The following ZNF717 variants were observed in gnomAD, a reference collection of about 807,000 sequenced individuals.
ZNF717 encodes zinc finger protein 717, also known as krueppel-like factor X17.
ZNF717 carries 9 observed loss-of-function variants against 13.8 expected under a neutral mutation model. The observed-to-expected ratio is 0.65, with a 90% CI of 0.39 to 1.14. ZNF717 has a LOEUF of 1.14. Among genes scored for constraint, ZNF717 ranks in the 50% most tolerant of loss-of-function variants. The pLI, the probability that ZNF717 is intolerant of heterozygous loss-of-function variation, is 0.01. For missense variants in ZNF717, 1,040 were observed against 1,080.7 expected, an observed-to-expected ratio of 0.96 and a Z score of 0.53; for synonymous variants, 327 against 364.1, an observed-to-expected ratio of 0.90 and a Z score of 1.16.
intron 6 of ZNF717, among the ~76,000 whole-genome samples, chr3:75,701,863 C>G (rs796335853): frequency 6.6e-6 from 1 of 152,408 alleles, no homozygotes; most frequent in Non-Finnish European, 1.5e-5. Context: ...ATGCAAATGT[C>G]AAACAGGCAA....
chr3:75,752,911 G>A (rs1452042241), intron 2 of ZNF717, among the ~76,000 whole-genome samples: 5 of 143,788 alleles, frequency 3.5e-5, no homozygotes, highest in Admixed American at 7.0e-5. Context: ...GATCTCTCCT[G>A]CTGTGGTCTG....
chr3:75,782,908 A>G (rs1166892647), intron 2 of ZNF717, among the ~76,000 whole-genome samples: 1 of 152,232 alleles, frequency 6.6e-6, no homozygotes, highest in African/African-American at 2.4e-5. Context: ...TCCACTGCAC[A>G]ACACTACAAG....
intron 2 of ZNF717, among the ~76,000 whole-genome samples, chr3:75,775,504 T>C (rs937769244): frequency 2.0e-5 from 3 of 152,200 alleles, no homozygotes; most frequent in Non-Finnish European, 2.9e-5. Flanking sequence ...TTGAATATCA[T>C]GGGTAAATAT....
chr3:75,773,984 G>C (rs1355193134), intron 2 of ZNF717, among the ~76,000 whole-genome samples: 1 of 152,040 alleles, frequency 6.6e-6, no homozygotes, highest in African/African-American at 2.4e-5. Context: ...AGGAGGCAGG[G>C]GGTTGCAGTG....
chr3:75,727,433 T>C (rs1208115916), downstream of ZNF717, among the ~76,000 whole-genome samples: 3 of 152,118 alleles, frequency 2.0e-5, no homozygotes, highest in African/African-American at 2.4e-5. Context: ...GATGGACGTG[T>C]GAGTAAGAGA....
Position 75,739,235 on chromosome 3 carries a change from A to C in ZNF717, c.388T>G (p.Leu130Val). The change falls in exon 5 of 5, where the codon TTA becomes GTA. Residue 130 changes from leucine (L) to valine (V), a missense_variant. Physicochemically the swap from Leu to Val is conservative, Grantham distance 32. Around this residue, in one of 3 missense-constraint regions of ZNF717, gnomAD observed 123 missense variants for 177.8 expected, o/e 0.69. Transcript: ENST00000652011. Reference protein sequence around the residue: ...SNTSTQERVELGKTFNLNSNH... With the variant: ...SNTSTQERVEVGKTFNLNSNH... The stretch of plus-strand genomic sequence containing the variant: ...GAGTTCAAATTAAATGTTTTTCCTA[A>C]TTCAACTCTCTCCTGAGTTGATGTG... The C allele has an allele frequency of 6.5e-7, 1 of 1,530,946 alleles. No homozygotes were observed. Among genetic ancestry groups the C allele is most frequent in the South Asian group, 1.2e-5 (1 of 82,454 alleles). 94.8% of individuals were successfully genotyped at this position (1,530,946 alleles called of 1,614,324 possible). A position where few individuals can be genotyped will look rare whatever the true frequency, so the allele number is the denominator to read the frequency against.
At chr3:75,713,093 C>T (rs1181716266) in intron 5 of ZNF717, among the ~76,000 whole-genome samples, 2 of 151,978 alleles carry the variant, frequency 1.3e-5, no homozygotes, top group African/African-American at 4.8e-5. Context: ...GCCTGGGTAA[C>T]AGAGTGGGAT....
At chr3:75,726,906 A>G (rs1382183272), downstream of ZNF717, among the ~76,000 whole-genome samples, 2 of 152,156 alleles carry the variant, frequency 1.3e-5, no homozygotes, top group Admixed American at 1.3e-4. Context: ...TTATCCTTCC[A>G]TATGCAGTCA....
rs1942812693 is a variant in ZNF717 at position 75,759,743 on chromosome 3, A to AT, written c.58-18008dup. 1.3e-5 allele frequency among the ~76,000 whole-genome samples: 2 copies of AT among 151,018 alleles called. 1 individual carries two copies. The highest frequency in any genetic ancestry group is 4.2e-4 in the South Asian group (2 of 4,790). On this transcript the variant is annotated intron_variant, in intron 2 of 4. Coordinates refer to ENST00000652011, the MANE Select transcript of ZNF717 (RefSeq NM_001290208.3). ...ACTATCACACCTGGCTAATTTTTTG[A>AT]TTTTTAATAGAGATGGGATTTCACC...
At chr3:75,742,633 C>T (rs1940624722) in intron 2 of ZNF717, among the ~76,000 whole-genome samples, 1 of 152,308 alleles carries the variant, frequency 6.6e-6, no homozygotes, top group Non-Finnish European at 1.5e-5. Context: ...GAACTCTGGA[C>T]AGCACCATGC....
At chr3:75,700,715 C>T (rs1937676627) in intron 6 of ZNF717, among the ~76,000 whole-genome samples, 1 of 152,394 alleles carries the variant, frequency 6.6e-6, no homozygotes, top group African/African-American at 2.4e-5. Flanking sequence ...ATCAATAGGG[C>T]TGGGAAAACT....
intron 6 of ZNF717, among the ~76,000 whole-genome samples, chr3:75,702,240 G>A (rs1274137780): frequency 6.6e-6 from 1 of 152,308 alleles, no homozygotes; most frequent in Non-Finnish European, 1.5e-5. Context: ...ACAGATGACT[G>A]GATAGAGAAA....
At chr3:75,769,889 C>CAT (rs1164171785) in intron 2 of ZNF717, among the ~76,000 whole-genome samples, 1 of 152,116 alleles carries the variant, frequency 6.6e-6, no homozygotes, top group Non-Finnish European at 1.5e-5. Context: ...AAACTATAAA[C>CAT]ATATATTGTA....
In ZNF717 at chr3:75,737,672, C is replaced by T. The variant is rs1375466902; in HGVS notation, c.1951G>A (p.Glu651Lys). ...TTGCGATGAAAGGTTTTTCCACATT[C>T]ATTACATACGTAAGGTTTCTCTCCT... is the stretch of plus-strand genomic sequence containing the variant. ...HTGEKPYVCN[E>K]CGKTFHRKSF... The change falls in exon 5 of 5, where the codon GAA (glutamate) becomes AAA (lysine). Residue 651 changes from glutamate (E) to lysine (K), a missense_variant. Around this residue, in one of 3 missense-constraint regions of ZNF717, gnomAD observed 873 missense variants for 832.8 expected, o/e 1.05. Coordinates refer to ENST00000652011, the MANE Select transcript of ZNF717 (RefSeq NM_001290208.3). 3.4e-6 allele frequency: 2 copies of T among 583,324 alleles called. No individual in the cohort carries two copies. Among genetic ancestry groups the T allele is most frequent in the Non-Finnish European group, 4.3e-6 (2 of 462,270 alleles). 36.1% of individuals were successfully genotyped at this position (583,324 alleles called of 1,614,324 possible). A position where few individuals can be genotyped will look rare whatever the true frequency, so the allele number is the denominator to read the frequency against.
downstream of ZNF717, chr3:75,732,185 T>TTATC: frequency 1.4e-6 from 1 of 701,084 alleles, no homozygotes; most frequent in Admixed American, 2.0e-5. Flanking sequence ...TTAACAAGGC[T>TTATC]TATCCTCAGG....
At chr3:75,711,154 A>G (rs1937928759) in exon 6 of ZNF717, 1 of 152,246 alleles carries the variant, frequency 6.6e-6, no homozygotes, top group Non-Finnish European at 1.5e-5. Context: ...AGAGAAACAG[A>G]TATTTATTGA....
At chr3:75,730,623 A>T in intron 5 of ZNF717, 1 of 702,376 alleles carries the variant, frequency 1.4e-6, no homozygotes, top group Non-Finnish European at 2.6e-6. Context: ...TCAAACCTGG[A>T]GATAAAAGAT....
intron 2 of ZNF717, among the ~76,000 whole-genome samples, chr3:75,767,349 C>T (rs959901870): frequency 5.3e-4 from 81 of 152,366 alleles, no homozygotes; most frequent in African/African-American, 1.9e-3. Context: ...AGCTGGCCAA[C>T]AAGACTCTCT....
intron 2 of ZNF717, among the ~76,000 whole-genome samples, chr3:75,779,205 C>G (rs747368971): frequency 6.6e-6 from 1 of 151,358 alleles, no homozygotes; most frequent in Non-Finnish European, 1.5e-5. Flanking sequence ...AACTGGAACC[C>G]AAAACAATGG....
Sources: gnomAD v4.1 joint callset for allele counts (sites outside exome capture counted in the v4.1 genomes callset) on GRCh38, gnomAD v4.1.1 for gene constraint, gnomAD v4.1.1 regional missense constraint, MANE v1.5 for transcripts, NCBI Gene and HGNC (gene_info 2026-07-23, HGNC 2026-07-21) for gene names.